IL27RA: variants seen among roughly 807,000 people sequenced by gnomAD.
The protein encoded by IL27RA is interleukin-27 receptor subunit alpha.
Under a neutral mutation model 80.8 loss-of-function variants are expected in IL27RA, and 61 were observed. The observed-to-expected ratio is 0.76, with a 90% CI of 0.61 to 0.93. The LOEUF is 0.93. Ranked by LOEUF, IL27RA falls within the 40% of genes least tolerant of loss-of-function variation. The pLI is 0.00. For synonymous variants in IL27RA, 316 were observed against 332.5 expected (o/e 0.95, Z 0.54); for missense variants, 735 against 808.1 (o/e 0.91, Z 1.10).
At chr19:14,035,461 T>C (rs1975883930) in intron 2 of IL27RA, among the ~76,000 whole-genome samples, 1 of 152,078 alleles carries the variant, frequency 6.6e-6, no homozygotes. Flanking sequence ...AATGGCGCGA[T>C]CTCGGCTCAC....
intron 2 of IL27RA, among the ~76,000 whole-genome samples, chr19:14,037,340 A>G (rs76518002): frequency 0.029 from 4,413 of 151,640 alleles, 184 homozygotes; most frequent in Admixed American, 0.11. Flanking sequence ...AGCTCAATGC[A>G]ACCTCCATCT....
chr19:14,038,109 C>T lies in IL27RA; in HGVS notation c.219-1399C>T, dbSNP rs370568052. Among the ~76,000 whole-genome samples, 18 of 152,008 alleles carry T rather than the reference C, an allele frequency of 1.2e-4. No individual in the cohort carries two copies. In the South Asian group the frequency reaches 2.9e-3, roughly 25 times the overall value. On this transcript the variant is annotated intron_variant, in intron 2 of 13. Coordinates refer to ENST00000263379, the MANE Select transcript of IL27RA (RefSeq NM_004843.4). ...GCTCCCAAAGTGCTAGGATTACAGG[C>T]GTGAGCCACTGCACCTGGCCTGTCT...
At chr19:14,047,546 G>A (rs1395480267) in intron 8 of IL27RA, among the ~76,000 whole-genome samples, 1 of 151,574 alleles carries the variant, frequency 6.6e-6, no homozygotes, top group Non-Finnish European at 1.5e-5. Context: ...TAGTAGAGAC[G>A]GGGTTTCACC....
intron 2 of IL27RA, among the ~76,000 whole-genome samples, chr19:14,037,216 G>C (rs1223541299): frequency 2.6e-5 from 4 of 151,744 alleles, no homozygotes; most frequent in African/African-American, 2.4e-5. Flanking sequence ...GGGAAGACAC[G>C]TCCGTTGGAC....
rs199904982 is a variant in IL27RA at position 14,039,826 on chromosome 19, T to C, written c.450T>C (p.His150=). The change falls in exon 4 of 14, where the codon CAT becomes CAC. Residue 150 remains histidine, a synonymous_variant. Coordinates refer to ENST00000263379, the MANE Select transcript of IL27RA (RefSeq NM_004843.4). ...SEDDPLEATV[H]WAPPTWPSHK... ...ATGACCCCCTGGAGGCCACTGTCCATTGGGCCCCACCTACATGGCCATCTC... is the reference window on the plus strand; with the variant it reads ...ATGACCCCCTGGAGGCCACTGTCCACTGGGCCCCACCTACATGGCCATCTC... 6 of 1,614,078 alleles carry C rather than the reference T, an allele frequency of 3.7e-6. No homozygotes were observed. In the East Asian group the frequency reaches 1.3e-4, roughly 36 times the overall value.
chr19:14,038,978 AAGAG>A (rs1227310153), intron 2 of IL27RA, among the ~76,000 whole-genome samples: 3 of 151,356 alleles, frequency 2.0e-5, no homozygotes, highest in African/African-American at 4.8e-5. Context: ...AAGAAAGAAA[AAGAG>A]AGAGAGAAAA....
chr19:14,051,114 G>T (rs183825007), intron 11 of IL27RA, among the ~76,000 whole-genome samples: 2 of 152,100 alleles, frequency 1.3e-5, no homozygotes, highest in East Asian at 3.9e-4. Context: ...GCTGGATGTG[G>T]TAGCATGCGC....
At chr19:14,041,834 G>A (rs1217035552) in intron 4 of IL27RA, among the ~76,000 whole-genome samples, 1 of 152,088 alleles carries the variant, frequency 6.6e-6, no homozygotes, top group Admixed American at 6.6e-5. Context: ...GGGAGGCCGA[G>A]GTGGGCAGAT....
At chr19:14,043,577 A>C (rs1976021712) in intron 6 of IL27RA, among the ~76,000 whole-genome samples, 1 of 150,646 alleles carries the variant, frequency 6.6e-6, no homozygotes, top group Non-Finnish European at 1.5e-5. Context: ...GTGCCCCCCC[A>C]CCACGCCCGG....
At chr19:14,031,997 C>T (rs1318335046) in intron 1 of IL27RA, 25 bp downstream of exon 1, 2 of 1,578,790 alleles carry the variant, frequency 1.3e-6, no homozygotes, top group Non-Finnish European at 1.7e-6. Flanking sequence ...GAGCTCGTGT[C>T]CCGGGCGCTG....
chr19:14,049,383 C>G (rs1016520039), intron 10 of IL27RA, 69 bp downstream of exon 10: 7 of 1,525,292 alleles, frequency 4.6e-6, no homozygotes, highest in Middle Eastern at 2.4e-4. Context: ...CAGCCCCACC[C>G]CTTGTCCCCA....
intron 2 of IL27RA, among the ~76,000 whole-genome samples, chr19:14,038,506 A>C (rs1008131515): frequency 2.7e-5 from 4 of 145,892 alleles, no homozygotes; most frequent in African/African-American, 1.0e-4. Context: ...TGAGCCTAGG[A>C]GTTCAAGGTT....
At chr19:14,049,655 C>T (rs1380038311) in intron 10 of IL27RA, among the ~76,000 whole-genome samples, 1 of 150,022 alleles carries the variant, frequency 6.7e-6, no homozygotes, top group Non-Finnish European at 1.5e-5. Flanking sequence ...GATCTCAGCT[C>T]ACTGCAACCT....
chr19:14,049,826 C>T (rs1976132843), intron 10 of IL27RA, among the ~76,000 whole-genome samples: 1 of 151,952 alleles, frequency 6.6e-6, no homozygotes, highest in African/African-American at 2.4e-5. Context: ...GATCCACCCA[C>T]CTCAGCCTCC....
intron 2 of IL27RA, among the ~76,000 whole-genome samples, 159 bp downstream of exon 2, chr19:14,032,662 C>T (rs1343701023): frequency 6.7e-6 from 1 of 148,952 alleles, no homozygotes; most frequent in Non-Finnish European, 1.5e-5. Context: ...AAAAATTACC[C>T]AGGGGTGGTG....
intron 2 of IL27RA, among the ~76,000 whole-genome samples, chr19:14,037,113 A>AT (rs771843000): frequency 6.6e-6 from 1 of 150,488 alleles, no homozygotes; most frequent in East Asian, 2.0e-4. Flanking sequence ...GATTACAGGC[A>AT]TGAGCCACCG....
In IL27RA at chr19:14,047,657, CTT is replaced by C. The variant is rs757895872; in HGVS notation, c.1141+1057_1141+1058del. On this transcript the variant is annotated intron_variant, in intron 8 of 13. Coordinates refer to ENST00000263379, the MANE Select transcript of IL27RA (RefSeq NM_004843.4). Reference sequence around the variant, plus strand: ...CAGGGGTGAGCCACCATGCCTGGCCCTTTTTTTTTTTTTTTTTTTGGAGTCTT... The same window carrying C: ...CAGGGGTGAGCCACCATGCCTGGCCCTTTTTTTTTTTTTTTTTGGAGTCTT... Among the ~76,000 whole-genome samples, 214 of 108,138 alleles carry C rather than the reference CTT, an allele frequency of 2.0e-3. 3 individuals are homozygous for C. Among genetic ancestry groups the C allele is most frequent in the East Asian group, 6.7e-3 (25 of 3,704 alleles). The allele number at this position is 108,138 out of a possible 152,430, so 70.9% of individuals were successfully genotyped here.
At chr19:14,039,476 T>A in intron 2 of IL27RA, 32 bp from the exon 3 acceptor site, 4 of 1,590,504 alleles carry the variant, frequency 2.5e-6, no homozygotes, top group Non-Finnish European at 3.4e-6. Flanking sequence ...TCTAGCCGAG[T>A]GTGCATCTCA....
chr19:14,046,066 C>A, intron 6 of IL27RA, 88 bp from the exon 7 acceptor site: 1 of 1,253,084 alleles, frequency 8.0e-7, no homozygotes, highest in Non-Finnish European at 1.1e-6. Flanking sequence ...GCTTCACTGA[C>A]CGGTGGTTTA....
Sources: gnomAD v4.1 joint callset for allele counts (sites outside exome capture counted in the v4.1 genomes callset) on GRCh38, gnomAD v4.1.1 for gene constraint, MANE v1.5 for transcripts, NCBI Gene and HGNC (gene_info 2026-07-23, HGNC 2026-07-21) for gene names.